The following BABAM2 variants were observed in gnomAD, a reference collection of about 807,000 sequenced individuals.
The protein encoded by BABAM2 is BRISC and BRCA1-A complex member 2.
A neutral mutation model predicts 54.7 loss-of-function variants in BABAM2; 31 were observed. That is an observed-to-expected ratio of 0.57 (90% CI 0.43 to 0.77). BABAM2 has a LOEUF of 0.77. Among genes scored for constraint, BABAM2 ranks in the 30% least tolerant of loss-of-function variants. The pLI, the probability that BABAM2 is intolerant of heterozygous loss-of-function variation, is 0.00. For missense variants in BABAM2, 364 were observed against 455.8 expected (o/e 0.80, Z 1.83); for synonymous variants, 167 against 162.9 (o/e 1.03, Z -0.19).
intron 10 of BABAM2, among the ~76,000 whole-genome samples, chr2:28,255,239 A>G (rs1475289216): frequency 1.3e-5 from 2 of 152,132 alleles, no homozygotes; most frequent in Non-Finnish European, 2.9e-5. Flanking sequence ...AAATAGGAGA[A>G]AAAGTGTTTT....
chr2:28,105,833 T>C (rs1158265578), intron 6 of BABAM2, among the ~76,000 whole-genome samples: 1 of 152,140 alleles, frequency 6.6e-6, no homozygotes, highest in Non-Finnish European at 1.5e-5. Context: ...AAAATAGTTA[T>C]ATTTGGGGGA....
intron 6 of BABAM2, among the ~76,000 whole-genome samples, chr2:28,050,286 G>A (rs538838570): frequency 2.0e-5 from 3 of 152,298 alleles, no homozygotes; most frequent in African/African-American, 7.2e-5. Context: ...CTTCTATGTC[G>A]TAGCCATGGC....
chr2:27,978,078 T>C (rs942782251), intron 3 of BABAM2, among the ~76,000 whole-genome samples: 1 of 152,158 alleles, frequency 6.6e-6, no homozygotes, highest in Non-Finnish European at 1.5e-5. Flanking sequence ...CCAAATATCA[T>C]GTTGAAATGT....
chr2:28,163,667 A>G (rs1310822369), intron 7 of BABAM2, among the ~76,000 whole-genome samples: 3 of 152,326 alleles, frequency 2.0e-5, no homozygotes, highest in South Asian at 2.1e-4. Flanking sequence ...ACCCAGCCAG[A>G]AAGAAAGGTA....
rs1049148262 is a variant in BABAM2, at chr2:28,070,472, A to C, written c.570+24673A>C. On this transcript the variant is annotated intron_variant, in intron 6 of 11. Transcript: ENST00000379624. ...AGGTTTTTATTTTATTCAGTAAAGA[A>C]AAAAGCCTCATTTCTGACTCTCCTG... 4.6e-5 allele frequency among the ~76,000 whole-genome samples: 7 copies of C among 152,164 alleles called. No homozygotes were observed. The South Asian group carries it at 1.5e-3, about 32-fold the overall frequency.
intron 10 of BABAM2, among the ~76,000 whole-genome samples, chr2:28,262,914 T>C (rs187007299): frequency 6.6e-6 from 1 of 152,262 alleles, no homozygotes; most frequent in Admixed American, 6.5e-5. Context: ...ACCTTGTTGA[T>C]ACACTTTTCC....
intron 7 of BABAM2, among the ~76,000 whole-genome samples, chr2:28,162,398 TATTCTC>T (rs1673187478): frequency 3.9e-5 from 6 of 152,178 alleles, no homozygotes; most frequent in African/African-American, 1.4e-4. Context: ...AGTAGCTGGG[TATTCTC>T]TTAGCCTCCT....
chr2:28,202,347 GT>G (rs1678373214), intron 7 of BABAM2, among the ~76,000 whole-genome samples: 1 of 151,904 alleles, frequency 6.6e-6, no homozygotes, highest in African/African-American at 2.4e-5. Flanking sequence ...ATCCCATTGA[GT>G]CCCCCCTTCC....
chr2:28,175,173 G>C (rs1347441457), intron 7 of BABAM2, among the ~76,000 whole-genome samples: 1 of 152,090 alleles, frequency 6.6e-6, no homozygotes, highest in African/African-American at 2.4e-5. Context: ...AGGAACCGAA[G>C]CTTATGCTCC....
At chr2:28,027,683 C>A (rs535489208) in intron 5 of BABAM2, among the ~76,000 whole-genome samples, 1 of 152,292 alleles carries the variant, frequency 6.6e-6, no homozygotes, top group East Asian at 1.9e-4. Context: ...AATAGACATA[C>A]TACGTTTTGT....
Position 28,273,252 on chromosome 2 carries a change from G to A in BABAM2, c.935-25086G>A, listed in dbSNP as rs545125072. Among the ~76,000 whole-genome samples the A allele has an allele frequency of 3.3e-5, 5 of 152,330 alleles. No homozygotes were observed. The South Asian group carries it at 1.0e-3, about 32-fold the overall frequency. On this transcript the variant is annotated intron_variant, in intron 10 of 11. Coordinates refer to ENST00000379624, the MANE Select transcript of BABAM2 (RefSeq NM_199191.3). ...AACCACTTAGGTACCACATTGTACA[G>A]TGCAGTGGGTGCAGTGGTTCATGCC...
intron 6 of BABAM2, among the ~76,000 whole-genome samples, chr2:28,058,560 T>C (rs942357367): frequency 6.7e-6 from 1 of 150,344 alleles, no homozygotes; most frequent in Non-Finnish European, 1.5e-5. Context: ...AATATATATA[T>C]ATATGTATAT....
chr2:28,137,375 T>C (rs938174197), intron 7 of BABAM2, among the ~76,000 whole-genome samples: 1 of 152,192 alleles, frequency 6.6e-6, no homozygotes, highest in African/African-American at 2.4e-5. Flanking sequence ...TATTTGATTT[T>C]GGTAGAGAGA....
chr2:28,256,635 G>C (rs1194335684), intron 10 of BABAM2, among the ~76,000 whole-genome samples: 1 of 150,904 alleles, frequency 6.6e-6, no homozygotes, highest in Non-Finnish European at 1.5e-5. Context: ...AATAGGACTA[G>C]AAACGAAATT....
At chr2:28,244,945 T>C in intron 10 of BABAM2, 83 bp downstream of exon 10, 1 of 1,180,234 alleles carries the variant, frequency 8.5e-7, no homozygotes, top group East Asian at 2.4e-5. Context: ...CTAGAACCTT[T>C]TCTGTCCTGT....
At chr2:28,306,698 A>C (rs901961400) in intron 11 of BABAM2, among the ~76,000 whole-genome samples, 4 of 150,364 alleles carry the variant, frequency 2.7e-5, no homozygotes, top group Non-Finnish European at 5.9e-5. Flanking sequence ...TTATTTTTTT[A>C]TTTTAATTTT....
chr2:28,276,333 C>T (rs1023308011), intron 10 of BABAM2, among the ~76,000 whole-genome samples: 1 of 152,012 alleles, frequency 6.6e-6, no homozygotes, highest in African/African-American at 2.4e-5. Flanking sequence ...AGTCTGCAGA[C>T]ACAGCACCGA....
intron 5 of BABAM2, among the ~76,000 whole-genome samples, chr2:28,026,979 A>AATATATAT (rs1675900387): frequency 1.0e-5 from 1 of 96,598 alleles, no homozygotes; most frequent in African/African-American, 5.1e-5. Context: ...TAAATATATA[A>AATATATAT]ATATATATAA....
At chr2:28,252,052 G>T (rs1194534230) in intron 10 of BABAM2, among the ~76,000 whole-genome samples, 4 of 151,992 alleles carry the variant, frequency 2.6e-5, no homozygotes, top group Non-Finnish European at 5.9e-5. Flanking sequence ...GCCAAGTGTG[G>T]TGGCACCTGT....
Sources: gnomAD v4.1 joint callset for allele counts (sites outside exome capture counted in the v4.1 genomes callset) on GRCh38, gnomAD v4.1.1 for gene constraint, MANE v1.5 for transcripts, NCBI Gene and HGNC (gene_info 2026-07-23, HGNC 2026-07-21) for gene names.